HACD4: variants seen among roughly 807,000 people sequenced by gnomAD.
HACD4 encodes the protein very-long-chain (3R)-3-hydroxyacyl-CoA dehydratase 4.
Under a neutral mutation model 33.3 loss-of-function variants are expected in HACD4, and 35 were observed. The ratio of observed to expected loss-of-function variants is 1.05; its 90% CI spans 0.80 to 1.39. HACD4 has a LOEUF of 1.39. Ranked by LOEUF, HACD4 falls within the 40% of genes most tolerant of loss-of-function variation. HACD4 has a pLI of 0.00. For missense variants in HACD4, 323 were observed against 276.5 expected (o/e 1.17, Z -1.19); for synonymous variants, 118 against 98.0 (o/e 1.20, Z -1.21).
Position 21,006,862 on chromosome 9 carries a change from A to G in HACD4, c.*175T>C, listed in dbSNP as rs1842282798. On this transcript the variant is annotated 3_prime_UTR_variant, in exon 7 of 7. Transcript: ENST00000495827. This position sits in a 1 kb window ranked among gnomAD's most constrained non-coding sequence, Gnocchi z 4.6. ...AGAATATATATGTCTTAAAAATACA[A>G]TGTGTGAAAAACATAGCCTGTTATG... is the stretch of plus-strand genomic sequence containing the variant. 4 of 617,400 alleles carry G rather than the reference A, an allele frequency of 6.5e-6. No individual in the cohort carries two copies. Among genetic ancestry groups the G allele is most frequent in the Middle Eastern group, 2.6e-4 (1 of 3,834 alleles). The allele number at this position is 617,400 out of a possible 1,614,324, so 38.2% of individuals were successfully genotyped here.
intron 4 of HACD4, among the ~76,000 whole-genome samples, chr9:21,014,301 T>C (rs1842506682): frequency 6.6e-6 from 1 of 152,180 alleles, no homozygotes; most frequent in Non-Finnish European, 1.5e-5. Context: ...GGCCAAACAG[T>C]AGAAACCACC....
At chr9:21,018,338 C>G (rs1345246577) in intron 3 of HACD4, among the ~76,000 whole-genome samples, 1 of 152,102 alleles carries the variant, frequency 6.6e-6, no homozygotes, top group African/African-American at 2.4e-5. Flanking sequence ...CTGAAAGTGA[C>G]TTACCTACAA....
chr9:21,006,634 C>G lies in HACD4; in HGVS notation c.*403G>C, dbSNP rs1842276591. The G allele has an allele frequency of 4.3e-6, 1 of 230,542 alleles. No homozygotes were observed. Among genetic ancestry groups the G allele is most frequent in the Admixed American group, 5.7e-5 (1 of 17,500 alleles). The allele number at this position is 230,542 out of a possible 1,614,324, so 14.3% of individuals were successfully genotyped here. ...TATATTTTCCATCCCTCTTCTCCTA[C>G]AGATCTATTTGGGAACTTGGAAGTG... is the stretch of plus-strand genomic sequence containing the variant. On this transcript the variant is annotated 3_prime_UTR_variant, in exon 7 of 7. Transcript: ENST00000495827. The surrounding 1 kb of genome is among the most constrained non-coding windows in gnomAD (Gnocchi z 4.6).
intron 3 of HACD4, among the ~76,000 whole-genome samples, chr9:21,021,462 T>C (rs1294899351): frequency 4.6e-5 from 7 of 152,202 alleles, no homozygotes; most frequent in Non-Finnish European, 8.8e-5. Context: ...GATGACATGA[T>C]TGTATATTTA....
At chr9:21,013,009 G>C (rs1367568003) in intron 4 of HACD4, among the ~76,000 whole-genome samples, 1 of 150,634 alleles carries the variant, frequency 6.6e-6, no homozygotes, top group African/African-American at 2.4e-5. Flanking sequence ...GGAGGTTGTG[G>C]TGAGCTGAGA....
rs1165747802 is a variant in HACD4, at chr9:21,003,685, AGTTTCTAGGTAAGATCT to A, written c.*3335_*3351del. 1.3e-5 allele frequency: 2 copies of A among 152,162 alleles called. No individual in the cohort carries two copies. The highest frequency in any genetic ancestry group is 2.9e-5 in the Non-Finnish European group (2 of 68,016). 9.4% of individuals were successfully genotyped at this position (152,162 alleles called of 1,614,324 possible). On this transcript the variant is annotated 3_prime_UTR_variant, in exon 7 of 7. Transcript: ENST00000495827. The stretch of plus-strand genomic sequence containing the variant: ...CAATATATTTAATACCTTTTTACAT[AGTTTCTAGGTAAGATCT>A]TTATAATTCTTTACCAAAAATTGAG...
chr9:21,031,603 C>T lies in HACD4; in HGVS notation c.-13G>A, dbSNP rs1378611962. ...CCAAGGGCCCCATGGGCCGCCGCCG[C>T]CAGGGCTTCCAGCGCGGTCCAGGAA... On this transcript the variant is annotated 5_prime_UTR_variant, in exon 1 of 7. Coordinates refer to ENST00000495827, the MANE Select transcript of HACD4 (RefSeq NM_001010915.5). 2 of 1,420,848 alleles carry T rather than the reference C, an allele frequency of 1.4e-6. No homozygotes were observed. The highest frequency in any genetic ancestry group is 1.8e-6 in the Non-Finnish European group (2 of 1,093,644). 88.0% of individuals were successfully genotyped at this position (1,420,848 alleles called of 1,614,324 possible). A position where few individuals can be genotyped will look rare whatever the true frequency, so the allele number is the denominator to read the frequency against.
Position 21,002,996 on chromosome 9 carries a change from A to T in HACD4, c.*4041T>A, listed in dbSNP as rs1008416815. 1.3e-5 allele frequency: 2 copies of T among 152,192 alleles called. No homozygotes were observed. The highest frequency in any genetic ancestry group is 2.9e-5 in the Non-Finnish European group (2 of 68,012). The allele number at this position is 152,192 out of a possible 1,614,324, so 9.4% of individuals were successfully genotyped here. ...GGGGAACATGTACTTAAGTAGAAAA[A>T]GAAATTACACCTTTATTTTCACTAA... On this transcript the variant is annotated 3_prime_UTR_variant, in exon 7 of 7. Transcript: ENST00000495827.
intron 5 of HACD4, among the ~76,000 whole-genome samples, chr9:21,010,460 C>T (rs113332911): frequency 8.3e-6 from 1 of 120,900 alleles, no homozygotes; most frequent in African/African-American, 3.4e-5. Flanking sequence ...CCTGGTACCC[C>T]CCCCCCCCCC....
chr9:21,001,857 T>G lies in HACD4; in HGVS notation c.*5180A>C, dbSNP rs890866915. On this transcript the variant is annotated 3_prime_UTR_variant, in exon 7 of 7. Coordinates refer to ENST00000495827, the MANE Select transcript of HACD4 (RefSeq NM_001010915.5). ...AGTATGTTACCACTAGACCTGCCCCTGCCAGAAATGCTAATAGGGGTCCTG... is the reference window on the plus strand; with the variant it reads ...AGTATGTTACCACTAGACCTGCCCCGGCCAGAAATGCTAATAGGGGTCCTG... 12 of 152,132 alleles carry G rather than the reference T, an allele frequency of 7.9e-5. No individual in the cohort carries two copies. The highest frequency in any genetic ancestry group is 2.9e-4 in the African/African-American group (12 of 41,444). The allele number at this position is 152,132 out of a possible 1,614,324, so 9.4% of individuals were successfully genotyped here.
intron 5 of HACD4, among the ~76,000 whole-genome samples, chr9:21,009,287 T>C (rs1842352348): frequency 6.6e-6 from 1 of 152,172 alleles, no homozygotes; most frequent in African/African-American, 2.4e-5. Flanking sequence ...TTATTGACAT[T>C]TTTGTCATAT....
intron 2 of HACD4, 112 bp downstream of exon 2, chr9:21,029,183 A>AT (rs1818141091): frequency 1.6e-6 from 1 of 637,936 alleles, no homozygotes; most frequent in South Asian, 2.0e-5. Context: ...AAAAATACAA[A>AT]TTTTAGAGAA....
chr9:21,008,189 T>C (rs1453211998), intron 5 of HACD4, 43 bp from the exon 6 acceptor site: 3 of 1,563,484 alleles, frequency 1.9e-6, no homozygotes, highest in Non-Finnish European at 8.7e-7. Flanking sequence ...CCTCCTTAAG[T>C]TGTTACAGGG....
At position 21,031,557 on chromosome 9, in the gene HACD4, G is replaced by A; in HGVS notation, c.34C>T (p.Pro12Ser). The A allele has an allele frequency of 6.9e-7, 1 of 1,458,116 alleles. No homozygotes were observed. Among genetic ancestry groups the A allele is most frequent in the Non-Finnish European group, 9.0e-7 (1 of 1,111,778 alleles). The allele number at this position is 1,458,116 out of a possible 1,614,324, so 90.3% of individuals were successfully genotyped here. Reference protein sequence around the residue: ...GPLALPAWLQPRYRKNAYLFI... With the variant: ...GPLALPAWLQSRYRKNAYLFI... ...GGATTCGGCCGAGCGCCCTACCTGG[G>A]CTGCAGCCAGGCGGGCAGCGCCAAG... Residue 12 changes from proline (P) to serine (S), a missense_variant, in exon 1 of 7, where the codon CCC (proline) becomes TCC (serine). Transcript: ENST00000495827.
At position 21,024,209 on chromosome 9, in the gene HACD4, A is replaced by T. The variant is rs558820289; in HGVS notation, c.270+2387T>A. Among the ~76,000 whole-genome samples the T allele has an allele frequency of 2.0e-5, 3 of 152,376 alleles. No individual in the cohort carries two copies. The South Asian group carries it at 6.2e-4, about 32-fold the overall frequency. On this transcript the variant is annotated intron_variant, in intron 3 of 6. Transcript: ENST00000495827. The stretch of plus-strand genomic sequence containing the variant: ...TTGTGGGAACCACAAAAAGGATGAT[A>T]AATTAATAAAAGAAATAGGGGCCAA...
Position 21,016,005 on chromosome 9 carries a change from T to C in HACD4, c.276A>G (p.Thr92=). 6.2e-7 allele frequency: 1 copy of C among 1,609,434 alleles called. No homozygotes were observed. Among genetic ancestry groups the C allele is most frequent in the Non-Finnish European group, 8.5e-7 (1 of 1,176,160 alleles). ...NHLLPRFLQL[T]ERIIILFVVI... is the part of the protein sequence containing the mutation. The stretch of plus-strand genomic sequence containing the variant: ...CCACAAAAAGGATGATTATTCTTTC[T>C]GTGAGCTAACAAAGAAACAGCAAAG... Residue 92 remains threonine (T), a synonymous_variant, in exon 4 of 7, where the codon ACA becomes ACG. Coordinates refer to ENST00000495827, the MANE Select transcript of HACD4 (RefSeq NM_001010915.5).
intron 3 of HACD4, among the ~76,000 whole-genome samples, chr9:21,025,410 C>A (rs1238468433): frequency 8.0e-5 from 2 of 25,020 alleles, no homozygotes; most frequent in Non-Finnish European, 2.9e-4. Flanking sequence ...TGTACATTTA[C>A]ATTCTAAGCA....
Position 21,015,995 on chromosome 9 carries a change from T to G in HACD4, c.286A>C (p.Ile96Leu). The G allele has an allele frequency of 6.2e-7, 1 of 1,611,550 alleles. No individual in the cohort carries two copies. Among genetic ancestry groups the G allele is most frequent in the South Asian group, 1.1e-5 (1 of 90,990 alleles). Residue 96 changes from isoleucine to leucine, a missense_variant, in exon 4 of 7, where the codon ATC becomes CTC. By Grantham distance (5) the Ile-to-Leu change is conservative (BLOSUM62 2). Coordinates refer to ENST00000495827, the MANE Select transcript of HACD4 (RefSeq NM_001010915.5). Reference sequence around the variant, plus strand: ...CTGGTGATCACCACAAAAAGGATGATTATTCTTTCTGTGAGCTAACAAAGA... The same window carrying G: ...CTGGTGATCACCACAAAAAGGATGAGTATTCTTTCTGTGAGCTAACAAAGA... ...PRFLQLTERIIILFVVITSQE... is the reference protein window; with the variant it reads ...PRFLQLTERILILFVVITSQE...
intron 3 of HACD4, among the ~76,000 whole-genome samples, chr9:21,026,019 C>T (rs1818051677): frequency 6.6e-6 from 1 of 152,102 alleles, no homozygotes. Context: ...TCCTTAGATG[C>T]TGTACTAGAT....
Sources: gnomAD v4.1 joint callset for allele counts (sites outside exome capture counted in the v4.1 genomes callset) on GRCh38, gnomAD v4.1.1 for gene constraint, Gnocchi (gnomAD v3.1) non-coding constraint, MANE v1.5 for transcripts, NCBI Gene and HGNC (gene_info 2026-07-23, HGNC 2026-07-21) for gene names.